The following FBXW10B variants were observed in gnomAD, a reference collection of about 807,000 sequenced individuals.
The protein encoded by FBXW10B is F-box and WD repeat domain containing protein 10B.
the FBXW10B span, among the ~76,000 whole-genome samples, chr17:15,586,551 C>A: frequency 4.0e-5 from 6 of 151,806 alleles, no homozygotes; most frequent in East Asian, 1.2e-3. Flanking sequence ...CATGCATAGT[C>A]TTTTCATAAT....
the FBXW10B span, among the ~76,000 whole-genome samples, chr17:15,613,140 A>C: frequency 6.6e-6 from 1 of 151,822 alleles, no homozygotes; most frequent in Non-Finnish European, 1.5e-5. Context: ...ACCAAAATCC[A>C]TGGTTTAGGG....
the FBXW10B span, among the ~76,000 whole-genome samples, chr17:15,592,590 C>T: frequency 1.3e-5 from 2 of 152,058 alleles, no homozygotes; most frequent in Admixed American, 1.3e-4. Flanking sequence ...AGCTCACCAG[C>T]TCAGCTTTCC....
the FBXW10B span, chr17:15,615,762 G>A: frequency 6.2e-7 from 1 of 1,613,614 alleles, no homozygotes; most frequent in South Asian, 1.1e-5. Flanking sequence ...TTGGAGCTGT[G>A]GTCTTTCTCA....
the FBXW10B span, chr17:15,619,265 T>C: frequency 1.3e-5 from 21 of 1,613,988 alleles, no homozygotes; most frequent in South Asian, 1.9e-4. Flanking sequence ...GATGAAATCC[T>C]TTCCCTGTGT....
At chr17:15,578,502 A>G in the FBXW10B span, among the ~76,000 whole-genome samples, 1 of 152,178 alleles carries the variant, frequency 6.6e-6, no homozygotes, top group Admixed American at 6.5e-5. Flanking sequence ...TTTTAAGTAG[A>G]GTCCTATAAA....
At chr17:15,586,299 G>C in the FBXW10B span, among the ~76,000 whole-genome samples, 1 of 151,564 alleles carries the variant, frequency 6.6e-6, no homozygotes, top group East Asian at 1.9e-4. Flanking sequence ...TGCTGATTTG[G>C]GGGGGCATTG....
the FBXW10B span, among the ~76,000 whole-genome samples, chr17:15,602,032 ATC>A: frequency 1.3e-5 from 2 of 151,758 alleles, no homozygotes; most frequent in East Asian, 3.9e-4. Context: ...GAATGGCATG[ATC>A]ACGGAAGGCG....
chr17:15,585,897 T>C, the FBXW10B span, among the ~76,000 whole-genome samples: 1 of 152,158 alleles, frequency 6.6e-6, no homozygotes, highest in East Asian at 1.9e-4. Flanking sequence ...TTCAGGATTG[T>C]AGTGGTAAAG....
the FBXW10B span, among the ~76,000 whole-genome samples, chr17:15,599,165 C>T: frequency 0.16 from 20,271 of 124,886 alleles, 1,695 homozygotes; most frequent in East Asian, 0.3. Flanking sequence ...TAGAGCGAGA[C>T]TCTGTCTCAA....
At chr17:15,585,692 C>A in the FBXW10B span, among the ~76,000 whole-genome samples, 6 of 152,174 alleles carry the variant, frequency 3.9e-5, no homozygotes, top group Non-Finnish European at 8.8e-5. Context: ...TCTGCTAAAG[C>A]TTTGCTAATT....
chr17:15,582,845 G>T, the FBXW10B span, among the ~76,000 whole-genome samples: 1 of 151,860 alleles, frequency 6.6e-6, no homozygotes, highest in Admixed American at 6.6e-5. Flanking sequence ...CTTCTAATGT[G>T]CTCCACCAAT....
chr17:15,582,002 G>A, the FBXW10B span, among the ~76,000 whole-genome samples: 8 of 150,302 alleles, frequency 5.3e-5, no homozygotes, highest in African/African-American at 1.3e-4. Flanking sequence ...ATAAAAAGGA[G>A]AAAAAGGACT....
At chr17:15,567,087 C>T in the FBXW10B span, among the ~76,000 whole-genome samples, 3 of 150,542 alleles carry the variant, frequency 2.0e-5, no homozygotes, top group South Asian at 4.2e-4. Flanking sequence ...CTGGCTAACA[C>T]GGTGAAACCC....
the FBXW10B span, chr17:15,574,018 T>C: frequency 1.6e-6 from 1 of 639,778 alleles, no homozygotes; most frequent in Non-Finnish European, 2.8e-6. Flanking sequence ...TGCTGATTCC[T>C]GCCAGCAGTC....
At chr17:15,603,112 G>A in the FBXW10B span, among the ~76,000 whole-genome samples, 9 of 146,520 alleles carry the variant, frequency 6.1e-5, no homozygotes, top group African/African-American at 1.0e-4. Context: ...TCAAACTCCC[G>A]ACCTCAGATG....
At chr17:15,577,611 A>G in the FBXW10B span, among the ~76,000 whole-genome samples, 1 of 152,212 alleles carries the variant, frequency 6.6e-6, no homozygotes, top group Non-Finnish European at 1.5e-5. Flanking sequence ...TTAGGAGCAA[A>G]TATCTTTTAC....
At chr17:15,608,061 C>T in the FBXW10B span, among the ~76,000 whole-genome samples, 1 of 151,602 alleles carries the variant, frequency 6.6e-6, no homozygotes, top group Non-Finnish European at 1.5e-5. Context: ...GAAGTCGGAA[C>T]GTCATATGTA....
the FBXW10B span, chr17:15,571,706 T>C: frequency 1.3e-5 from 2 of 152,198 alleles, no homozygotes; most frequent in African/African-American, 4.8e-5. Context: ...ACATGAATAT[T>C]AGCTTAAATA....
At chr17:15,570,030 T>C in the FBXW10B span, among the ~76,000 whole-genome samples, 40 of 152,318 alleles carry the variant, frequency 2.6e-4, no homozygotes, top group African/African-American at 9.4e-4. Context: ...CAATACTATA[T>C]TACAGAGGTG....
Sources: allele counts gnomAD v4.1 joint callset (sites outside exome capture counted in the v4.1 genomes callset), GRCh38; gene constraint gnomAD v4.1.1; transcripts MANE v1.5; gene names NCBI Gene and HGNC (gene_info 2026-07-23, HGNC 2026-07-21).